LRP1B: variants seen among roughly 807,000 people sequenced by gnomAD.
LRP1B encodes LDL receptor related protein 1B.
A neutral mutation model predicts 556.6 loss-of-function variants in LRP1B; 217 were observed. The observed-to-expected ratio is 0.39, with a 90% CI of 0.35 to 0.44. LRP1B has a LOEUF of 0.44. Ranked by LOEUF, LRP1B falls within the 20% of genes least tolerant of loss-of-function variation. The pLI, the probability that LRP1B is intolerant of heterozygous loss-of-function variation, is 1.00. For missense variants in LRP1B, 5,053 were observed against 5,620.8 expected (o/e 0.90, Z 3.23); for synonymous variants, 2,047 against 1,865.8 (o/e 1.10, Z -2.50).
intron 2 of LRP1B, among the ~76,000 whole-genome samples, chr2:141,714,877 A>G (rs759886062): frequency 6.6e-6 from 1 of 152,200 alleles, no homozygotes; most frequent in Non-Finnish European, 1.5e-5. Context: ...GAGAGGGCTG[A>G]TAAGTTTTGT....
chr2:141,825,072 C>A (rs1317720356), intron 1 of LRP1B, among the ~76,000 whole-genome samples: 1 of 152,168 alleles, frequency 6.6e-6, no homozygotes. Context: ...CCTGAGGCCG[C>A]CCCAAACATG....
chr2:141,468,119 G>A (rs1682315296), intron 3 of LRP1B, among the ~76,000 whole-genome samples: 1 of 152,150 alleles, frequency 6.6e-6, no homozygotes, highest in South Asian at 2.1e-4. Flanking sequence ...ACATCAAAAT[G>A]TAAGTTATAT....
chr2:141,664,989 T>A (rs1690371150), intron 2 of LRP1B, among the ~76,000 whole-genome samples: 1 of 152,146 alleles, frequency 6.6e-6, no homozygotes, highest in Non-Finnish European at 1.5e-5. Flanking sequence ...AACAGCATGG[T>A]ACTGGTACAA....
intron 35 of LRP1B, among the ~76,000 whole-genome samples, chr2:140,756,836 T>A (rs1688756751): frequency 6.6e-6 from 1 of 152,052 alleles, no homozygotes; most frequent in Admixed American, 6.6e-5. Flanking sequence ...CATCAAAATT[T>A]AAAACTTTTG....
intron 1 of LRP1B, among the ~76,000 whole-genome samples, chr2:142,020,269 A>G (rs931519882): frequency 6.6e-6 from 1 of 152,194 alleles, no homozygotes; most frequent in Non-Finnish European, 1.5e-5. Flanking sequence ...AAAGGATGAT[A>G]TGAAGGTCCA....
chr2:141,979,183 T>A (rs992268025), intron 1 of LRP1B, among the ~76,000 whole-genome samples: 3 of 152,104 alleles, frequency 2.0e-5, no homozygotes, highest in African/African-American at 7.2e-5. Context: ...TATTTATATT[T>A]CTTTAAATCT....
intron 11 of LRP1B, among the ~76,000 whole-genome samples, chr2:141,025,992 T>C (rs777033028): frequency 3.9e-5 from 6 of 152,086 alleles, no homozygotes; most frequent in Admixed American, 2.6e-4. Flanking sequence ...TAAAATTCTT[T>C]GGATAATATT....
At chr2:140,637,346 T>A (rs767009281) in intron 41 of LRP1B, among the ~76,000 whole-genome samples, 81 of 152,300 alleles carry the variant, frequency 5.3e-4, no homozygotes, top group Non-Finnish European at 7.1e-4. Flanking sequence ...TCAACATAAC[T>A]GGTAATTTCA....
chr2:140,700,764 T>A (rs1574256966), intron 40 of LRP1B, 143 bp from the exon 41 acceptor site: 1 of 820,500 alleles, frequency 1.2e-6, no homozygotes, highest in South Asian at 1.9e-5. Context: ...CAATAAAAAA[T>A]TAAAAAAGTA....
Position 141,212,348 on chromosome 2 carries a change from G to C in LRP1B, c.850+16835C>G, listed in dbSNP as rs189087364. ...GGCTGGAGTGCAGTGGCACCATCTC[G>C]GCTCACTGCAAGCTCCGCCTCCTGG... On this transcript the variant is annotated intron_variant, in intron 6 of 90. Coordinates refer to ENST00000389484, the MANE Select transcript of LRP1B (RefSeq NM_018557.3). 1.8e-4 allele frequency among the ~76,000 whole-genome samples: 23 copies of C among 126,642 alleles called. 1 individual carries two copies. The Admixed American group carries it at 2.0e-3, about 11-fold the overall frequency. 83.1% of individuals were successfully genotyped at this position (126,642 alleles called of 152,430 possible). A position where few individuals can be genotyped will look rare whatever the true frequency, so the allele number is the denominator to read the frequency against.
intron 1 of LRP1B, among the ~76,000 whole-genome samples, chr2:141,823,336 T>G (rs557041572): frequency 6.6e-6 from 1 of 152,278 alleles, no homozygotes; most frequent in South Asian, 2.1e-4. Context: ...GGAGCATGAT[T>G]CTATGCCAGA....
intron 2 of LRP1B, among the ~76,000 whole-genome samples, chr2:141,745,627 C>A (rs749872799): frequency 1.3e-5 from 2 of 151,150 alleles, no homozygotes; most frequent in African/African-American, 4.9e-5. Flanking sequence ...ATCCAAGAGT[C>A]AAGGCCTGGA....
At chr2:140,327,383 G>C (rs1424472759) in intron 79 of LRP1B, among the ~76,000 whole-genome samples, 1 of 152,072 alleles carries the variant, frequency 6.6e-6, no homozygotes, top group African/African-American at 2.4e-5. Context: ...TATCATGCCT[G>C]ACCAGATCCT....
At position 140,415,387 on chromosome 2, in the gene LRP1B, C is replaced by A. The variant is rs776268487; in HGVS notation, c.10414+27117G>T. On this transcript the variant is annotated intron_variant, in intron 66 of 90. Transcript: ENST00000389484. ...CCCTTTGAAGCATGTGATCTTTGTA[C>A]CTACTCCCTGTTCTTACACCCCCTC... is the stretch of plus-strand genomic sequence containing the variant. Among the ~76,000 whole-genome samples, 10 of 152,252 alleles carry A rather than the reference C, an allele frequency of 6.6e-5. 1 individual carries two copies. Among genetic ancestry groups the A allele is most frequent in the African/African-American group, 2.2e-4 (9 of 41,550 alleles).
At chr2:140,621,197 C>T (rs1211021225) in intron 41 of LRP1B, among the ~76,000 whole-genome samples, 4 of 150,644 alleles carry the variant, frequency 2.7e-5, no homozygotes, top group Non-Finnish European at 4.4e-5. Context: ...CTGGCTAACA[C>T]GGTGAAACCC....
In LRP1B at chr2:141,070,674, T is replaced by A. The variant is rs550362746; in HGVS notation, c.1014-8401A>T. ...GCAATAAAAAATGATAAAGGGGATA[T>A]CACCACCGATCCCACAGAACTACAA... On this transcript the variant is annotated intron_variant, in intron 7 of 90. Coordinates refer to ENST00000389484, the MANE Select transcript of LRP1B (RefSeq NM_018557.3). Among the ~76,000 whole-genome samples the A allele has an allele frequency of 3.2e-3, 485 of 151,860 alleles. 3 individuals carry two copies. The highest frequency in any genetic ancestry group is 0.011 in the African/African-American group (469 of 41,414).
At chr2:140,872,359 G>GGTTTTTT (rs1693163328) in intron 25 of LRP1B, among the ~76,000 whole-genome samples, 1 of 38,052 alleles carries the variant, frequency 2.6e-5, no homozygotes, top group Non-Finnish European at 4.6e-5. Flanking sequence ...TGTGTCACCT[G>GGTTTTTT]ATTTTTTTTT....
At chr2:140,955,392 A>T (rs1695843017) in intron 18 of LRP1B, among the ~76,000 whole-genome samples, 1 of 151,874 alleles carries the variant, frequency 6.6e-6, no homozygotes. Flanking sequence ...TAAATATTAC[A>T]CACAATTTTT....
rs112438062 is a variant in LRP1B, at chr2:140,495,713, G to A, written c.8886C>T (p.Asp2962=). Residue 2962 remains aspartate (D), a synonymous_variant, in exon 56 of 91, where the codon GAC becomes GAT. Coordinates refer to ENST00000389484, the MANE Select transcript of LRP1B (RefSeq NM_018557.3). ...CATCAATGTCTACACATGTTTTGCC[G>A]TCATCCTTCAGTTGGAATCCAGGCC... ...KCWPGFQLKD[D]GKTCVDIDEC... The A allele has an allele frequency of 9.2e-5, 148 of 1,611,048 alleles. No individual in the cohort carries two copies. Among genetic ancestry groups the A allele is most frequent in the African/African-American group, 1.2e-4 (9 of 74,896 alleles).
Sources: gnomAD v4.1 joint callset for allele counts (sites outside exome capture counted in the v4.1 genomes callset) on GRCh38, gnomAD v4.1.1 for gene constraint, MANE v1.5 for transcripts, NCBI Gene and HGNC (gene_info 2026-07-23, HGNC 2026-07-21) for gene names.